Variants in TMEM68 observed in about 807,000 individuals in gnomAD.
The protein encoded by TMEM68 is DGAT1/2-independent enzyme synthesizing storage lipids.
A neutral mutation model predicts 36.9 loss-of-function variants in TMEM68; 25 were observed. That is an observed-to-expected ratio of 0.68 (90% CI 0.49 to 0.95). The LOEUF (loss-of-function observed/expected upper bound fraction) is 0.95. Ranked by LOEUF, TMEM68 falls within the 40% of genes least tolerant of loss-of-function variation. The probability of loss-of-function intolerance (pLI) is 0.00; values close to 1 mark genes in which losing one functional copy is unlikely to be tolerated. For missense variants in TMEM68, 333 were observed against 392.0 expected (o/e 0.85, Z 1.27); for synonymous variants, 131 against 124.4 (o/e 1.05, Z -0.35).
At chr8:55,771,155 CAA>C (rs113484781) in intron 1 of TMEM68, among the ~76,000 whole-genome samples, 14 of 126,428 alleles carry the variant, frequency 1.1e-4, no homozygotes, top group East Asian at 2.2e-4. Context: ...TCTCCGTCTC[CAA>C]AAAAAAAAAA....
chr8:55,752,893 TTTTTTA>T (rs1191115094), intron 4 of TMEM68, among the ~76,000 whole-genome samples: 1 of 151,818 alleles, frequency 6.6e-6, no homozygotes, highest in African/African-American at 2.4e-5. Flanking sequence ...CCTGGCTGAT[TTTTTTA>T]TTTTTATTTT....
intron 3 of TMEM68, chr8:55,761,451 C>T (rs1440664883): frequency 6.6e-6 from 1 of 152,148 alleles, no homozygotes; most frequent in African/African-American, 2.4e-5. Flanking sequence ...ACTCAGTCCC[C>T]AAGTTCTGTT....
chr8:55,740,017 C>A lies in TMEM68; in HGVS notation c.*115G>T. The A allele has an allele frequency of 1.3e-6, 1 of 747,994 alleles. No homozygotes were observed. The highest frequency in any genetic ancestry group is 2.1e-6 in the Non-Finnish European group (1 of 487,200). 46.3% of individuals were successfully genotyped at this position (747,994 alleles called of 1,614,324 possible). A position where few individuals can be genotyped will look rare whatever the true frequency, so the allele number is the denominator to read the frequency against. On this transcript the variant is annotated 3_prime_UTR_variant, in exon 8 of 8. Transcript: ENST00000434581. ...GAATTCTGTGAAAGATGCTTATTAACATGATTTTTTTAAAAAATACTAATT... is the reference window on the plus strand; with the variant it reads ...GAATTCTGTGAAAGATGCTTATTAAAATGATTTTTTTAAAAAATACTAATT...
chr8:55,754,960 C>T (rs1183925419), intron 4 of TMEM68, among the ~76,000 whole-genome samples: 7 of 139,414 alleles, frequency 5.0e-5, no homozygotes, highest in Admixed American at 7.9e-5. Flanking sequence ...CACACACACA[C>T]ACACACACAC....
At chr8:55,770,892 AT>A (rs2082877098) in intron 1 of TMEM68, among the ~76,000 whole-genome samples, 1 of 152,184 alleles carries the variant, frequency 6.6e-6, no homozygotes, top group African/African-American at 2.4e-5. Flanking sequence ...GCGGTGGCTC[AT>A]GCCTGTAATC....
In TMEM68 at chr8:55,762,871, C is replaced by A; in HGVS notation, c.89G>T (p.Gly30Val). The A allele has an allele frequency of 6.2e-7, 1 of 1,614,176 alleles. No homozygotes were observed. The change falls in exon 3 of 8, where the codon GGT becomes GTT. Residue 30 changes from glycine (G) to valine (V), a missense_variant. By Grantham distance (109) the Gly-to-Val change is moderately radical (BLOSUM62 -3). Transcript: ENST00000434581. ...CLIHILEEWF[G>V]VEQLEDYLNF... ...CAAATAGTCCTCCAACTGCTCCACA[C>A]CAAACCATTCTTCGAGTATGTGAAT...
intron 1 of TMEM68, among the ~76,000 whole-genome samples, chr8:55,770,232 T>G (rs1366500472): frequency 6.6e-6 from 1 of 152,164 alleles, no homozygotes; most frequent in East Asian, 1.9e-4. Flanking sequence ...CCAACACACT[T>G]TCTTTGATAT....
At chr8:55,745,956 T>C (rs1380218870) in intron 5 of TMEM68, 2 of 152,112 alleles carry the variant, frequency 1.3e-5, no homozygotes, top group African/African-American at 4.8e-5. Flanking sequence ...AAATCTAAAA[T>C]ACTCAACATC....
At chr8:55,759,643 T>G (rs190427509) in intron 3 of TMEM68, among the ~76,000 whole-genome samples, 23 of 152,224 alleles carry the variant, frequency 1.5e-4, no homozygotes, top group Admixed American at 1.4e-3. Flanking sequence ...TATTAGTGAC[T>G]GAATGTAAAA....
chr8:55,746,852 T>C (rs993526538), intron 5 of TMEM68: 5 of 152,220 alleles, frequency 3.3e-5, no homozygotes. Context: ...AAGGACATTG[T>C]TTTGTTCACT....
At chr8:55,753,763 C>G (rs1810486552) in intron 4 of TMEM68, among the ~76,000 whole-genome samples, 1 of 152,118 alleles carries the variant, frequency 6.6e-6, no homozygotes, top group African/African-American at 2.4e-5. Flanking sequence ...TTGAAAAACT[C>G]TAAACCATTT....
chr8:55,752,128 A>C (rs959931430), intron 4 of TMEM68, among the ~76,000 whole-genome samples: 1 of 151,352 alleles, frequency 6.6e-6, no homozygotes, highest in Non-Finnish European at 1.5e-5. Context: ...GAATGGCTTC[A>C]ACTCAGGAGG....
At chr8:55,748,037 G>T (rs1425226652) in intron 5 of TMEM68, 2 of 152,140 alleles carry the variant, frequency 1.3e-5, no homozygotes, top group African/African-American at 2.4e-5. Flanking sequence ...CTAAATAAAA[G>T]AAAGCTTACC....
chr8:55,750,468 T>G (rs1268314750), intron 5 of TMEM68, among the ~76,000 whole-genome samples: 1 of 151,222 alleles, frequency 6.6e-6, no homozygotes, highest in African/African-American at 2.4e-5. Flanking sequence ...AAGTACAATA[T>G]GGAGACCAAA....
intron 3 of TMEM68, among the ~76,000 whole-genome samples, chr8:55,757,613 GTA>G: frequency 6.6e-6 from 1 of 152,236 alleles, no homozygotes; most frequent in South Asian, 2.1e-4. Context: ...TAAGAAAAGG[GTA>G]TATGCAAAAG....
At chr8:55,752,086 G>A (rs1810440083) in intron 4 of TMEM68, among the ~76,000 whole-genome samples, 1 of 152,038 alleles carries the variant, frequency 6.6e-6, no homozygotes, top group African/African-American at 2.4e-5. Flanking sequence ...GCACGTGCCT[G>A]TAATCCAGCT....
intron 1 of TMEM68, among the ~76,000 whole-genome samples, chr8:55,765,067 C>T (rs765193364): frequency 1.3e-5 from 2 of 151,920 alleles, no homozygotes; most frequent in African/African-American, 2.4e-5. Context: ...AGTGAAACTC[C>T]GTCTCAAAAA....
At chr8:55,759,613 A>G (rs1810721669) in intron 3 of TMEM68, among the ~76,000 whole-genome samples, 1 of 152,026 alleles carries the variant, frequency 6.6e-6, no homozygotes, top group Non-Finnish European at 1.5e-5. Flanking sequence ...AAAAATACAT[A>G]TTTTTAAAAC....
chr8:55,763,086 T>C (rs1191041203), intron 2 of TMEM68, 58 bp from the exon 3 acceptor site: 6 of 1,044,472 alleles, frequency 5.7e-6, no homozygotes, highest in Non-Finnish European at 8.0e-6. Context: ...TTAAATGTTT[T>C]ACTCTACTTA....
Sources: allele counts gnomAD v4.1 joint callset (sites outside exome capture counted in the v4.1 genomes callset), GRCh38; gene constraint gnomAD v4.1.1; transcripts MANE v1.5; gene names NCBI Gene and HGNC (gene_info 2026-07-23, HGNC 2026-07-21).